The following CLP1 variants were observed in gnomAD, a reference collection of about 807,000 sequenced individuals.
CLP1 encodes polyribonucleotide 5'-hydroxyl-kinase Clp1.
Under a neutral mutation model 29.9 loss-of-function variants are expected in CLP1, and 18 were observed. That is an observed-to-expected ratio of 0.60 (90% CI 0.42 to 0.89). CLP1 has a LOEUF of 0.89. Among genes scored for constraint, CLP1 ranks in the 40% least tolerant of loss-of-function variants. CLP1 has a pLI of 0.00. For synonymous variants in CLP1, 162 were observed against 206.2 expected, an observed-to-expected ratio of 0.79 and a Z score of 1.84; for missense variants, 357 against 544.8, an observed-to-expected ratio of 0.66 and a Z score of 3.43.
In CLP1 at chr11:57,660,483, T is replaced by C. The variant is rs1647404; in HGVS notation, c.607-282T>C. Among the ~76,000 whole-genome samples the C allele has an allele frequency of 1, 151,757 of 152,204 alleles. 75,659 individuals carry two copies. Among genetic ancestry groups the C allele is most frequent in the East Asian group, 1 (5,170 of 5,172 alleles). On this transcript the variant is annotated intron_variant, in intron 2 of 2. Transcript: ENST00000533682. ...CAGCCTGGCCAACATGGTGAAACCTTGTCTCTACTAAAAATACAAAAAGTA... is the reference window on the plus strand; with the variant it reads ...CAGCCTGGCCAACATGGTGAAACCTCGTCTCTACTAAAAATACAAAAAGTA...
At chr11:57,658,699 G>A (rs558540732) in intron 1 of CLP1, among the ~76,000 whole-genome samples, 96 of 151,926 alleles carry the variant, frequency 6.3e-4, no homozygotes, top group Non-Finnish European at 9.1e-4. Context: ...GCATGATCTC[G>A]CCTCACTGCA....
Position 57,660,015 on chromosome 11 carries a change from T to A in CLP1, c.539T>A (p.Ile180Asn), listed in dbSNP as rs557133643. 6.2e-7 allele frequency: 1 copy of A among 1,612,462 alleles called. No individual in the cohort carries two copies. Among genetic ancestry groups the A allele is most frequent in the African/African-American group, 1.3e-5 (1 of 75,014 alleles). The change falls in exon 2 of 3, where the codon ATC (isoleucine) becomes AAC (asparagine). Residue 180 changes from isoleucine (I) to asparagine (N), a missense_variant. By Grantham distance (149) the Ile-to-Asn change is moderately radical. Transcript: ENST00000533682. ...GCAGATGTCGAAGAGGGTTTCTCTATCCAGGCCCCTCTGGTGTATCATTTT... is the reference window on the plus strand; with the variant it reads ...GCAGATGTCGAAGAGGGTTTCTCTAACCAGGCCCCTCTGGTGTATCATTTT... ...RPADVEEGFS[I>N]QAPLVYHFGS...
chr11:57,658,975 A>G (rs887911213), intron 1 of CLP1, among the ~76,000 whole-genome samples: 1 of 151,568 alleles, frequency 6.6e-6, no homozygotes, highest in Non-Finnish European at 1.5e-5. Context: ...GGGTTTCACC[A>G]TGTTGCCCAG....
At chr11:57,660,174 CT>C in intron 2 of CLP1, 92 bp downstream of exon 2, 1 of 1,316,224 alleles carries the variant, frequency 7.6e-7, no homozygotes, top group Non-Finnish European at 1.0e-6. Flanking sequence ...ATTTTCTCAG[CT>C]GGTATTTCTG....
chr11:57,661,826 T>A lies in CLP1; in HGVS notation c.*390T>A, dbSNP rs1287063400. ...GACTCCTTCCAATAAAGTTCAAACT[T>A]AAAAAAAATCATTTTAATAAATATT... On this transcript the variant is annotated 3_prime_UTR_variant, in exon 3 of 3. Coordinates refer to ENST00000533682, the MANE Select transcript of CLP1 (RefSeq NM_006831.3). The A allele has an allele frequency of 1.4e-5, 3 of 210,710 alleles. No individual in the cohort carries two copies. The highest frequency in any genetic ancestry group is 2.3e-5 in the African/African-American group (1 of 43,896). 13.1% of individuals were successfully genotyped at this position (210,710 alleles called of 1,614,324 possible). A position where few individuals can be genotyped will look rare whatever the true frequency, so the allele number is the denominator to read the frequency against.
chr11:57,660,762 C>T lies in CLP1; in HGVS notation c.607-3C>T, dbSNP rs200026178. On this transcript the variant is annotated splice_region_variant and splice_polypyrimidine_tract_variant and intron_variant, in intron 2 of 2. Transcript: ENST00000533682. ...GTTCTTACCTTGATCCTCTCTTTTGCAGATTACATCTCGTTTAGCAGATGT... is the reference window on the plus strand; with the variant it reads ...GTTCTTACCTTGATCCTCTCTTTTGTAGATTACATCTCGTTTAGCAGATGT... 48 of 1,570,718 alleles carry T rather than the reference C, an allele frequency of 3.1e-5. No individual in the cohort carries two copies. The highest frequency in any genetic ancestry group is 4.2e-5 in the Non-Finnish European group (48 of 1,156,450).
chr11:57,658,676 C>T (rs1327624403), intron 1 of CLP1, among the ~76,000 whole-genome samples: 2 of 151,956 alleles, frequency 1.3e-5, no homozygotes, highest in East Asian at 1.9e-4. Flanking sequence ...GTCACCCAGG[C>T]GGGAGTACAG....
At chr11:57,660,689 T>G (rs1590847763) in intron 2 of CLP1, 76 bp from the exon 3 acceptor site, 2 of 1,231,088 alleles carry the variant, frequency 1.6e-6, no homozygotes, top group South Asian at 2.9e-5. Flanking sequence ...CTAATAGCAC[T>G]TATTCTAAAG....
chr11:57,660,876 C>T lies in CLP1; in HGVS notation c.718C>T (p.Gln240Ter), dbSNP rs964731231. The change falls in exon 3 of 3, where the codon CAG becomes TAG. Residue 240 changes from glutamine to a stop codon, truncating the protein, a stop_gained. Transcript: ENST00000533682. LOFTEE classifies it high-confidence loss of function. ...TGGCTGGGTCAAGGGCTCTGGTTACCAGGCTCTGGTGCATGCAGCCTCAGC... is the reference window on the plus strand; with the variant it reads ...TGGCTGGGTCAAGGGCTCTGGTTACTAGGCTCTGGTGCATGCAGCCTCAGC... ...TCGWVKGSGY[Q>*]ALVHAASAFE... is the part of the protein sequence containing the mutation. 3 of 1,614,014 alleles carry T rather than the reference C, an allele frequency of 1.9e-6. No homozygotes were observed. The highest frequency in any genetic ancestry group is 1.7e-6 in the Non-Finnish European group (2 of 1,180,026).
At chr11:57,657,921 G>A (rs1424730489) in intron 1 of CLP1, 61 bp downstream of exon 1, 1 of 152,318 alleles carries the variant, frequency 6.6e-6, no homozygotes, top group East Asian at 1.9e-4. Flanking sequence ...GGACATTTTG[G>A]TGTCTGGGGA....
rs1328940186 is a variant in CLP1 at position 57,660,919 on chromosome 11, T to C, written c.761T>C (p.Val254Ala). The stretch of plus-strand genomic sequence containing the variant: ...GCCTCAGCTTTTGAGGTGGATGTCG[T>C]TGTTGTTCTGGATCAAGAACGACTG... ...HAASAFEVDVVVVLDQERLYN... is the reference protein window; with the variant it reads ...HAASAFEVDVAVVLDQERLYN... The change falls in exon 3 of 3, where the codon GTT becomes GCT. Residue 254 changes from valine (V) to alanine (A), a missense_variant. Physicochemically the swap from Val to Ala is moderately conservative, Grantham distance 64 (BLOSUM62 0). Coordinates refer to ENST00000533682, the MANE Select transcript of CLP1 (RefSeq NM_006831.3). 6.2e-7 allele frequency: 1 copy of C among 1,614,204 alleles called. No homozygotes were observed. The highest frequency in any genetic ancestry group is 1.3e-5 in the African/African-American group (1 of 75,052).
intron 1 of CLP1, 174 bp from the exon 2 acceptor site, chr11:57,659,281 G>T: frequency 4.9e-6 from 3 of 613,500 alleles, no homozygotes; most frequent in Non-Finnish European, 8.5e-6. Flanking sequence ...TAGAGACAGG[G>T]TTTCACCATG....
At chr11:57,660,208 T>A (rs1299005821) in intron 2 of CLP1, 126 bp downstream of exon 2, 1 of 979,636 alleles carries the variant, frequency 1.0e-6, no homozygotes, top group African/African-American at 1.6e-5. Context: ...AGAAAGGCAA[T>A]TCCAAATATG....
At chr11:57,659,415 C>A in intron 1 of CLP1, 40 bp from the exon 2 acceptor site, 2 of 1,586,346 alleles carry the variant, frequency 1.3e-6, no homozygotes, top group Non-Finnish European at 1.7e-6. Flanking sequence ...TAACAGAAGA[C>A]TGACTTATAA....
In CLP1 at chr11:57,661,262, T is replaced by A. The variant is rs1305839455; in HGVS notation, c.1104T>A (p.Val368=). ...GRDMVHHLLS[V]STAEGTEENL... Reference sequence around the variant, plus strand: ...ATATGGTGCACCACCTACTGAGTGTTAGCACTGCCGAGGGTACAGAGGAGA... The same window carrying A: ...ATATGGTGCACCACCTACTGAGTGTAAGCACTGCCGAGGGTACAGAGGAGA... Residue 368 remains valine (V), a synonymous_variant, in exon 3 of 3, where the codon GTT becomes GTA. Transcript: ENST00000533682. 4 of 1,614,204 alleles carry A rather than the reference T, an allele frequency of 2.5e-6. No homozygotes were observed. In the Admixed American group the frequency reaches 6.7e-5, roughly 27 times the overall value.
chr11:57,661,383 C>T lies in CLP1; in HGVS notation c.1225C>T (p.Leu409=). The part of the protein sequence containing the change: ...FTVLSPAPRP[L]PKNFLLIMDI... ...TGTTCTGTCTCCAGCCCCTCGCCCA[C>T]TGCCTAAGAACTTCCTTCTCATCAT... The change falls in exon 3 of 3, where the codon CTG becomes TTG. Residue 409 remains leucine (L), a synonymous_variant. Transcript: ENST00000533682. 6.2e-7 allele frequency: 1 copy of T among 1,614,024 alleles called. No homozygotes were observed. Among genetic ancestry groups the T allele is most frequent in the Non-Finnish European group, 8.5e-7 (1 of 1,179,950 alleles).
In CLP1 at chr11:57,660,924, G is replaced by A. The variant is rs1282668541; in HGVS notation, c.766G>A (p.Val256Ile). 2 of 1,614,070 alleles carry A rather than the reference G, an allele frequency of 1.2e-6. No individual in the cohort carries two copies. The highest frequency in any genetic ancestry group is 2.7e-5 in the African/African-American group (2 of 74,916). ...ASAFEVDVVVVLDQERLYNEL... is the reference protein window; with the variant it reads ...ASAFEVDVVVILDQERLYNEL... Reference sequence around the variant, plus strand: ...AGCTTTTGAGGTGGATGTCGTTGTTGTTCTGGATCAAGAACGACTGTACAA... The same window carrying A: ...AGCTTTTGAGGTGGATGTCGTTGTTATTCTGGATCAAGAACGACTGTACAA... The change falls in exon 3 of 3, where the codon GTT becomes ATT. Residue 256 changes from valine (V) to isoleucine (I), a missense_variant. By Grantham distance (29) the Val-to-Ile change is conservative. Coordinates refer to ENST00000533682, the MANE Select transcript of CLP1 (RefSeq NM_006831.3).
chr11:57,659,825 G>T lies in CLP1; in HGVS notation c.349G>T (p.Val117Leu). ...AAAGGAAGAAGAGCGAGGTCCCCGA[G>T]TGATGGTAGTGGGCCCCACTGATGT... ...AEKEEERGPR[V>L]MVVGPTDVGK... The change falls in exon 2 of 3, where the codon GTG (valine) becomes TTG (leucine). Residue 117 changes from valine to leucine, a missense_variant. By Grantham distance (32) the Val-to-Leu change is conservative (BLOSUM62 1). Coordinates refer to ENST00000533682, the MANE Select transcript of CLP1 (RefSeq NM_006831.3). 1 of 1,614,190 alleles carries T rather than the reference G, an allele frequency of 6.2e-7. No homozygotes were observed. The highest frequency in any genetic ancestry group is 1.7e-5 in the Admixed American group (1 of 60,014).
rs374658636 is a variant in CLP1, at chr11:57,659,708, C to T, written c.232C>T (p.Arg78Cys). ...WHGCSVQLSG[R>C]TEVAYVSKDT... ...TGGCTGTTCTGTGCAACTGAGCGGC[C>T]GCACTGAGGTGGCTTATGTCTCCAA... The change falls in exon 2 of 3, where the codon CGC becomes TGC. Residue 78 changes from arginine to cysteine, a missense_variant. Coordinates refer to ENST00000533682, the MANE Select transcript of CLP1 (RefSeq NM_006831.3). 3.7e-5 allele frequency: 59 copies of T among 1,613,972 alleles called. No homozygotes were observed. Among genetic ancestry groups the T allele is most frequent in the East Asian group, 2.5e-4 (11 of 44,894 alleles).
Sources: gnomAD v4.1 joint callset for allele counts (sites outside exome capture counted in the v4.1 genomes callset) on GRCh38, gnomAD v4.1.1 for gene constraint, MANE v1.5 for transcripts, NCBI Gene and HGNC (gene_info 2026-07-23, HGNC 2026-07-21) for gene names.